Variants in NHSL1 observed in about 807,000 individuals in gnomAD.
NHSL1 encodes the protein NHS-like protein 1.
In NHSL1, 48 loss-of-function variants were observed where a neutral mutation model predicts 95.0. That is an observed-to-expected ratio of 0.51 (90% CI 0.40 to 0.64). NHSL1 has a LOEUF of 0.64. NHSL1 is among the 30% of genes least tolerant of loss of function. The pLI, the probability that NHSL1 is intolerant of heterozygous loss-of-function variation, is 0.00. For synonymous variants in NHSL1, 783 were observed against 833.9 expected, an observed-to-expected ratio of 0.94 and a Z score of 1.05; for missense variants, 1,971 against 2,077.7, an observed-to-expected ratio of 0.95 and a Z score of 1.00.
Position 138,433,695 on chromosome 6 carries a change from G to C in NHSL1, c.665-15C>G. 1 of 1,505,336 alleles carries C rather than the reference G, an allele frequency of 6.6e-7. No homozygotes were observed. Among genetic ancestry groups the C allele is most frequent in the Non-Finnish European group, 8.9e-7 (1 of 1,119,194 alleles). The allele number at this position is 1,505,336 out of a possible 1,614,324, so 93.2% of individuals were successfully genotyped here. A position where few individuals can be genotyped will look rare whatever the true frequency, so the allele number is the denominator to read the frequency against. On this transcript the variant is annotated splice_polypyrimidine_tract_variant and intron_variant, in intron 5 of 7. Coordinates refer to ENST00000343505, the MANE Select transcript of NHSL1 (RefSeq NM_001144060.2). ...AGTGCCTGATGCTGGAGATAAAGCA[G>C]AAAGAGGCTTGTTACCTGAAAATAA...
rs554752541 is a variant in NHSL1 at position 138,585,166 on chromosome 6, C to G, written c.97-88795G>C. Among the ~76,000 whole-genome samples the G allele has an allele frequency of 2.0e-4, 31 of 152,272 alleles. No homozygotes were observed. The South Asian group carries it at 3.9e-3, about 19-fold the overall frequency. On this transcript the variant is annotated intron_variant, in intron 1 of 3. Transcript: ENST00000491526. ...AATAGATGTGGCTGGTGGACCAGCA[C>G]AGATGATTGGCTAGGCTGGAAGCAG...
intron 1 of NHSL1, among the ~76,000 whole-genome samples, chr6:138,556,564 C>A (rs1034826817): frequency 6.6e-6 from 1 of 150,634 alleles, no homozygotes; most frequent in African/African-American, 2.4e-5. Flanking sequence ...TGAGCAAACA[C>A]TGTGGATCTA....
At chr6:138,630,467 C>A (rs1784804474) in intron 1 of NHSL1, among the ~76,000 whole-genome samples, 1 of 151,980 alleles carries the variant, frequency 6.6e-6, no homozygotes, top group Admixed American at 6.6e-5. Flanking sequence ...ATCACCGCAA[C>A]CTCCGCCTCC....
chr6:138,667,737 C>T (rs1022997344), intron 1 of NHSL1, among the ~76,000 whole-genome samples: 1 of 152,192 alleles, frequency 6.6e-6, no homozygotes, highest in Non-Finnish European at 1.5e-5. Flanking sequence ...ATATTTTGTT[C>T]ATTATCTTCT....
At chr6:138,525,484 T>G (rs1781862335) in intron 1 of NHSL1, among the ~76,000 whole-genome samples, 1 of 151,222 alleles carries the variant, frequency 6.6e-6, no homozygotes, top group African/African-American at 2.4e-5. Flanking sequence ...GCTGAAATCA[T>G]TCCACTACAT....
At chr6:138,483,063 C>T (rs1318366610) in intron 2 of NHSL1, among the ~76,000 whole-genome samples, 1 of 152,008 alleles carries the variant, frequency 6.6e-6, no homozygotes, top group Non-Finnish European at 1.5e-5. Context: ...TGAGCCACAC[C>T]GTGAGAAAAC....
intron 3 of NHSL1, among the ~76,000 whole-genome samples, chr6:138,471,283 C>T (rs1340012416): frequency 6.6e-6 from 1 of 152,198 alleles, no homozygotes; most frequent in Non-Finnish European, 1.5e-5. Flanking sequence ...GGTCTCTACA[C>T]ACCCAGAAAC....
rs1464063018 is a variant in NHSL1, at chr6:138,447,087, T to C, written c.446A>G (p.Lys149Arg). 6.4e-7 allele frequency: 1 copy of C among 1,551,784 alleles called. No individual in the cohort carries two copies. The highest frequency in any genetic ancestry group is 1.2e-5 in the South Asian group (1 of 84,062). The change falls in exon 4 of 8, where the codon AAG becomes AGG. Residue 149 changes from lysine (K) to arginine (R), a missense_variant. Lys to Arg is a conservative substitution (Grantham distance 26). This residue lies in a region of NHSL1 where 1,602 missense variants were observed against 1,654.5 expected (regional missense o/e 0.97). Coordinates refer to ENST00000343505, the MANE Select transcript of NHSL1 (RefSeq NM_001144060.2). ...TTCTGGTGTTGGCAGTGGAAGCGAC[T>C]TGGTCCAGTTCGTCTGAGTATTAAG... ...SDLNTQTNWT[K>R]SLPLPTPEEK...
intron 3 of NHSL1, among the ~76,000 whole-genome samples, chr6:138,463,041 T>C (rs1778099655): frequency 6.6e-6 from 1 of 152,184 alleles, no homozygotes; most frequent in African/African-American, 2.4e-5. Context: ...AAATAGCAGA[T>C]GGAGTTATCC....
At chr6:138,451,091 A>C (rs1419179030) in intron 3 of NHSL1, among the ~76,000 whole-genome samples, 1 of 152,084 alleles carries the variant, frequency 6.6e-6, no homozygotes, top group Non-Finnish European at 1.5e-5. Flanking sequence ...CAAACCCTCC[A>C]AAGTCCTTAC....
At chr6:138,661,520 G>A (rs1785226767) in intron 1 of NHSL1, among the ~76,000 whole-genome samples, 2 of 151,902 alleles carry the variant, frequency 1.3e-5, no homozygotes, top group South Asian at 4.2e-4. Context: ...AGATTAGCTG[G>A]GCTTGGTGGG....
intron 1 of NHSL1, among the ~76,000 whole-genome samples, chr6:138,587,315 C>G (rs995040550): frequency 2.0e-5 from 3 of 151,558 alleles, no homozygotes; most frequent in Non-Finnish European, 4.4e-5. Flanking sequence ...GGAGCAGTGG[C>G]TCACACCTGT....
At chr6:138,501,188 G>T (rs888090447), upstream of NHSL1, among the ~76,000 whole-genome samples, 2 of 152,208 alleles carry the variant, frequency 1.3e-5, no homozygotes, top group Admixed American at 1.3e-4. Context: ...ACCCTCCATA[G>T]CATGTAGCTT....
upstream of NHSL1, among the ~76,000 whole-genome samples, chr6:138,547,764 TAACA>T (rs1782857748): frequency 1.3e-5 from 2 of 152,270 alleles, no homozygotes; most frequent in African/African-American, 2.4e-5. Context: ...TTGATTCACC[TAACA>T]AACAAGATCA....
intron 1 of NHSL1, among the ~76,000 whole-genome samples, chr6:138,506,327 T>C (rs78703669): frequency 1.3e-5 from 2 of 152,340 alleles, no homozygotes; most frequent in East Asian, 3.9e-4. Flanking sequence ...CTGTAATTCT[T>C]GTCTAGCAAA....
intron 1 of NHSL1, among the ~76,000 whole-genome samples, chr6:138,634,754 T>C (rs1784866204): frequency 1.3e-5 from 2 of 152,036 alleles, no homozygotes; most frequent in South Asian, 4.1e-4. Flanking sequence ...ATTCTTTTCC[T>C]TATCGCATGG....
At chr6:138,603,320 G>A (rs530717057) in intron 1 of NHSL1, among the ~76,000 whole-genome samples, 8 of 152,220 alleles carry the variant, frequency 5.3e-5, no homozygotes, top group African/African-American at 1.9e-4. Flanking sequence ...AAAGTGCTGG[G>A]ATCACAGGGA....
intron 2 of NHSL1, among the ~76,000 whole-genome samples, chr6:138,492,142 G>A (rs558845867): frequency 4.6e-5 from 7 of 152,304 alleles, no homozygotes; most frequent in African/African-American, 1.4e-4. Flanking sequence ...AGAGTAGAGC[G>A]AAATTATACA....
intron 5 of NHSL1, among the ~76,000 whole-genome samples, chr6:138,441,747 G>A (rs1004142745): frequency 6.6e-6 from 1 of 152,136 alleles, no homozygotes; most frequent in African/African-American, 2.4e-5. Flanking sequence ...CCAGTTAATC[G>A]TTTTCATGTA....
Sources: allele counts gnomAD v4.1 joint callset (sites outside exome capture counted in the v4.1 genomes callset), GRCh38; gene constraint gnomAD v4.1.1; regional missense constraint gnomAD v4.1.1; transcripts MANE v1.5; gene names NCBI Gene and HGNC (gene_info 2026-07-23, HGNC 2026-07-21).